SLC4A4: variants seen among roughly 807,000 people sequenced by gnomAD.
The protein encoded by SLC4A4 is electrogenic sodium bicarbonate cotransporter 1.
Under a neutral mutation model 111.5 loss-of-function variants are expected in SLC4A4, and 27 were observed. The ratio of observed to expected loss-of-function variants is 0.24; its 90% CI spans 0.18 to 0.33. The LOEUF (loss-of-function observed/expected upper bound fraction) is 0.33, where lower values mean the gene tolerates loss of function less well. Ranked by LOEUF, SLC4A4 falls within the 10% of genes least tolerant of loss-of-function variation. SLC4A4 has a pLI of 1.00. For synonymous variants in SLC4A4, 443 were observed against 463.4 expected (o/e 0.96, Z 0.57); for missense variants, 909 against 1,315.5 (o/e 0.69, Z 4.78).
At chr4:71,260,885 G>T (rs1721808335) in intron 3 of SLC4A4, among the ~76,000 whole-genome samples, 1 of 152,126 alleles carries the variant, frequency 6.6e-6, no homozygotes, top group Non-Finnish European at 1.5e-5. Context: ...AGCAATAATG[G>T]TTAGCAGTTA....
intron 3 of SLC4A4, among the ~76,000 whole-genome samples, chr4:71,276,454 C>G (rs536017352): frequency 6.6e-6 from 1 of 152,290 alleles, no homozygotes; most frequent in African/African-American, 2.4e-5. Context: ...GTTACACCCC[C>G]TCCTTTCACA....
intron 6 of SLC4A4, among the ~76,000 whole-genome samples, chr4:71,390,186 C>T (rs1042013382): frequency 3.3e-5 from 5 of 152,016 alleles, no homozygotes; most frequent in African/African-American, 1.2e-4. Context: ...TGACAGAAAT[C>T]CAAACTCTCT....
At chr4:71,451,154 C>A in intron 10 of SLC4A4, 34 bp from the exon 11 acceptor site, 1 of 1,339,350 alleles carries the variant, frequency 7.5e-7, no homozygotes, top group Non-Finnish European at 1.1e-6. Flanking sequence ...ATAAAATAAA[C>A]TAATATACTC....
chr4:71,335,748 C>T (rs929947810), intron 3 of SLC4A4, among the ~76,000 whole-genome samples: 3 of 151,942 alleles, frequency 2.0e-5, no homozygotes, highest in African/African-American at 7.3e-5. Flanking sequence ...TGGTGTGAAC[C>T]CGGGAGGCGG....
intron 12 of SLC4A4, among the ~76,000 whole-genome samples, chr4:71,457,050 A>G (rs1399645623): frequency 1.3e-5 from 2 of 152,152 alleles, no homozygotes; most frequent in Non-Finnish European, 2.9e-5. Context: ...TCAGGCTACA[A>G]ATAGACATGG....
At chr4:71,325,231 C>T (rs909840500) in intron 3 of SLC4A4, among the ~76,000 whole-genome samples, 1 of 151,512 alleles carries the variant, frequency 6.6e-6, no homozygotes, top group Non-Finnish European at 1.5e-5. Context: ...CTCTCCAAAA[C>T]TTGGATTCCA....
chr4:71,168,845 A>G (rs1204121516), intron 2 of SLC4A4, among the ~76,000 whole-genome samples: 1 of 152,080 alleles, frequency 6.6e-6, no homozygotes, highest in East Asian at 1.9e-4. Context: ...CACTTTATGC[A>G]TTCCCCTGTT....
intron 2 of SLC4A4, among the ~76,000 whole-genome samples, chr4:71,107,633 G>T (rs900965989): frequency 6.6e-6 from 1 of 152,088 alleles, no homozygotes; most frequent in Non-Finnish European, 1.5e-5. Flanking sequence ...ATAGACAAAA[G>T]ACACTGCACC....
intron 3 of SLC4A4, among the ~76,000 whole-genome samples, chr4:71,276,810 G>C (rs773300444): frequency 2.0e-5 from 3 of 152,122 alleles, no homozygotes; most frequent in Admixed American, 1.3e-4. Flanking sequence ...CACTTTGAGA[G>C]GTGGAGGTAG....
chr4:71,477,103 T>G (rs1464355676), intron 14 of SLC4A4, among the ~76,000 whole-genome samples: 2 of 151,758 alleles, frequency 1.3e-5, no homozygotes, highest in African/African-American at 4.8e-5. Context: ...GTGTAAATAC[T>G]ATGTGCTTTA....
At chr4:71,480,722 A>G (rs1447304105) in intron 14 of SLC4A4, among the ~76,000 whole-genome samples, 1 of 151,760 alleles carries the variant, frequency 6.6e-6, no homozygotes, top group Non-Finnish European at 1.5e-5. Context: ...TTTCATTATC[A>G]TGGAAAATAG....
At chr4:71,215,080 T>A (rs144995683) in intron 1 of SLC4A4, among the ~76,000 whole-genome samples, 4 of 152,358 alleles carry the variant, frequency 2.6e-5, no homozygotes, top group Non-Finnish European at 4.4e-5. Flanking sequence ...ATAAATAAAT[T>A]GTGTGTAACT....
chr4:71,130,927 C>G, intron 2 of SLC4A4, among the ~76,000 whole-genome samples: 1 of 152,140 alleles, frequency 6.6e-6, no homozygotes, highest in East Asian at 1.9e-4. Flanking sequence ...TGGTGACAGC[C>G]TTTTCTTTCC....
chr4:71,567,887 A>C lies in SLC4A4; in HGVS notation c.*136A>C. The C allele has an allele frequency of 1.4e-6, 2 of 1,469,230 alleles. No individual in the cohort carries two copies. The highest frequency in any genetic ancestry group is 2.5e-5 in the East Asian group (1 of 40,002). 91.0% of individuals were successfully genotyped at this position (1,469,230 alleles called of 1,614,324 possible). A position where few individuals can be genotyped will look rare whatever the true frequency, so the allele number is the denominator to read the frequency against. ...GGAGGAGCAAGGGAACAGAAACTAC[A>C]TTGTAACCTGTTTGTCTTTCTTAAA... On this transcript the variant is annotated 3_prime_UTR_variant, in exon 26 of 26. Transcript: ENST00000264485.
At position 71,357,083 on chromosome 4, in the gene SLC4A4, T is replaced by A. The variant is rs757594713; in HGVS notation, c.626T>A (p.Leu209His). The A allele has an allele frequency of 1.9e-6, 3 of 1,614,152 alleles. No individual in the cohort carries two copies. Among genetic ancestry groups the A allele is most frequent in the South Asian group, 2.2e-5 (2 of 91,084 alleles). Residue 209 changes from leucine to histidine, a missense_variant, in exon 6 of 26, where the codon CTC becomes CAC. Around this residue, in one of 7 missense-constraint regions of SLC4A4, gnomAD observed 312 missense variants for 402.0 expected, o/e 0.78. Transcript: ENST00000264485. ...AAGGATAAGGTGACCTATACTTTGC[T>A]CCGGAAGCACCGGCATCAAACCAAG... ...ELKDKVTYTLLRKHRHQTKKS... is the reference protein window; with the variant it reads ...ELKDKVTYTLHRKHRHQTKKS...
intron 3 of SLC4A4, among the ~76,000 whole-genome samples, chr4:71,312,444 C>A (rs186322170): frequency 6.6e-6 from 1 of 152,122 alleles, no homozygotes; most frequent in African/African-American, 2.4e-5. Context: ...CATCCTGATT[C>A]GAAAACCTGG....
At chr4:71,472,374 G>T (rs1727960588) in intron 13 of SLC4A4, among the ~76,000 whole-genome samples, 1 of 151,928 alleles carries the variant, frequency 6.6e-6, no homozygotes, top group South Asian at 2.1e-4. Flanking sequence ...AGGTACCAGT[G>T]CTATGCTTGC....
At chr4:71,543,187 A>G (rs765928404) in intron 18 of SLC4A4, among the ~76,000 whole-genome samples, 6 of 152,112 alleles carry the variant, frequency 3.9e-5, no homozygotes, top group Non-Finnish European at 7.4e-5. Flanking sequence ...TGGGAAGACT[A>G]TTTTGGACAC....
intron 1 of SLC4A4, among the ~76,000 whole-genome samples, chr4:71,077,629 T>A (rs1427818011): frequency 6.6e-6 from 1 of 152,224 alleles, no homozygotes; most frequent in Non-Finnish European, 1.5e-5. Context: ...GTTTTTATAT[T>A]TTCCATGTGT....
Sources: gnomAD v4.1 joint callset for allele counts (sites outside exome capture counted in the v4.1 genomes callset) on GRCh38, gnomAD v4.1.1 for gene constraint, gnomAD v4.1.1 regional missense constraint, MANE v1.5 for transcripts, NCBI Gene and HGNC (gene_info 2026-07-23, HGNC 2026-07-21) for gene names.